Variants in EFCAB11 observed in about 807,000 individuals in gnomAD.
EFCAB11 encodes the protein EF-hand calcium-binding domain-containing protein 11.
In EFCAB11, 14 loss-of-function variants were observed where a neutral mutation model predicts 23.0. The ratio of observed to expected loss-of-function variants is 0.61; its 90% CI spans 0.40 to 0.95. The LOEUF is 0.95. Ranked by LOEUF, EFCAB11 falls within the 40% of genes least tolerant of loss-of-function variation. The pLI, the probability that EFCAB11 is intolerant of heterozygous loss-of-function variation, is 0.00. For missense variants in EFCAB11, 198 were observed against 195.8 expected, an observed-to-expected ratio of 1.01 and a Z score of -0.07; for synonymous variants, 65 against 66.6, an observed-to-expected ratio of 0.98 and a Z score of 0.11.
intron 5 of EFCAB11, among the ~76,000 whole-genome samples, chr14:89,889,226 G>T (rs1888887633): frequency 6.6e-6 from 1 of 152,140 alleles, no homozygotes. Flanking sequence ...TTAAGGAAAT[G>T]TATGGAACAT....
chr14:89,861,961 T>C (rs1488119538), intron 5 of EFCAB11, among the ~76,000 whole-genome samples: 1 of 152,232 alleles, frequency 6.6e-6, no homozygotes, highest in Non-Finnish European at 1.5e-5. Flanking sequence ...ACAAACCAAA[T>C]TTAATTCTTT....
At chr14:89,839,195 T>A (rs1000441218) in intron 5 of EFCAB11, among the ~76,000 whole-genome samples, 5 of 151,938 alleles carry the variant, frequency 3.3e-5, no homozygotes, top group African/African-American at 1.2e-4. Context: ...CAGGGAAGAG[T>A]CAAATTTCAG....
chr14:89,892,067 G>T lies in EFCAB11; in HGVS notation c.410+39474C>A, dbSNP rs1888988789. On this transcript the variant is annotated intron_variant, in intron 5 of 5. Transcript: ENST00000316738. ...CCGGAATGTGGTGGGTGTCCTGCTG[G>T]TCTTTGATGTGACAAACAGGAAGTC... is the stretch of plus-strand genomic sequence containing the variant. The T allele has an allele frequency of 2.6e-6, 4 of 1,542,026 alleles. No homozygotes were observed. In the Admixed American group the frequency reaches 5.9e-5, roughly 23 times the overall value.
rs775784796 is a variant in EFCAB11 at position 89,954,693 on chromosome 14, A to G, written c.-33T>C. The G allele has an allele frequency of 4.5e-5, 72 of 1,598,242 alleles. No homozygotes were observed. The highest frequency in any genetic ancestry group is 1.5e-4 in the Admixed American group (9 of 58,796). On this transcript the variant is annotated 5_prime_UTR_variant, in exon 1 of 6. Coordinates refer to ENST00000316738, the MANE Select transcript of EFCAB11 (RefSeq NM_145231.4). ...ACAACAACCGAGCCCCAGCAACCCA[A>G]CCAGCTACCACCGCTTTCCCAGCCT...
In EFCAB11 at chr14:89,864,222, C is replaced by T. The variant is rs562933971; in HGVS notation, c.411-66898G>A. The stretch of plus-strand genomic sequence containing the variant: ...CTTTAACACAGGAGTATGTCAGAGG[C>T]AAAAATAATTGCATAACTGAGCCAT... On this transcript the variant is annotated intron_variant, in intron 5 of 5. Transcript: ENST00000316738. Among the ~76,000 whole-genome samples, 39 of 152,080 alleles carry T rather than the reference C, an allele frequency of 2.6e-4. No individual in the cohort carries two copies. The South Asian group carries it at 4.4e-3, about 17-fold the overall frequency.
chr14:89,906,477 T>C (rs1437073214), intron 5 of EFCAB11, among the ~76,000 whole-genome samples: 2 of 152,324 alleles, frequency 1.3e-5, no homozygotes, highest in Admixed American at 6.5e-5. Context: ...CTGCAACTCA[T>C]TGAAACTAGT....
chr14:89,859,921 C>T (rs1887869392), intron 5 of EFCAB11, among the ~76,000 whole-genome samples: 1 of 152,146 alleles, frequency 6.6e-6, no homozygotes, highest in African/African-American at 2.4e-5. Flanking sequence ...ACCAAATTGG[C>T]CCTCTGATAC....
At chr14:89,818,346 A>C (rs1886398120) in intron 5 of EFCAB11, among the ~76,000 whole-genome samples, 1 of 152,170 alleles carries the variant, frequency 6.6e-6, no homozygotes. Flanking sequence ...CCAGGGAACA[A>C]CATACTATGA....
chr14:89,852,354 C>G (rs565874840), intron 5 of EFCAB11, among the ~76,000 whole-genome samples: 3 of 152,274 alleles, frequency 2.0e-5, no homozygotes, highest in African/African-American at 7.2e-5. Context: ...ACTCAGATCC[C>G]CCAGCTGCTG....
At chr14:89,866,312 C>T (rs1326663351) in intron 5 of EFCAB11, among the ~76,000 whole-genome samples, 1 of 152,200 alleles carries the variant, frequency 6.6e-6, no homozygotes, top group African/African-American at 2.4e-5. Context: ...ATAGTAGATT[C>T]CCTTCTTTAA....
intron 5 of EFCAB11, among the ~76,000 whole-genome samples, chr14:89,810,770 AAAG>A (rs1361881084): frequency 1.3e-5 from 2 of 151,536 alleles, no homozygotes; most frequent in Non-Finnish European, 2.9e-5. Context: ...AAAAAAAAAA[AAAG>A]AAATGGATTC....
At chr14:89,842,004 C>T (rs551106523) in intron 5 of EFCAB11, among the ~76,000 whole-genome samples, 80 of 152,240 alleles carry the variant, frequency 5.3e-4, no homozygotes, top group Non-Finnish European at 9.9e-4. Context: ...TCTAAACCTG[C>T]GCCGCCTGTG....
chr14:89,865,063 G>T (rs930393101), intron 5 of EFCAB11, among the ~76,000 whole-genome samples: 1 of 152,218 alleles, frequency 6.6e-6, no homozygotes, highest in African/African-American at 2.4e-5. Context: ...GCTCAGGTTG[G>T]TGAGGTTACG....
intron 5 of EFCAB11, among the ~76,000 whole-genome samples, chr14:89,865,382 T>C (rs1007235917): frequency 6.6e-6 from 1 of 152,292 alleles, no homozygotes; most frequent in East Asian, 1.9e-4. Context: ...AGAGCCTCTC[T>C]TGAAATCAGG....
intron 5 of EFCAB11, among the ~76,000 whole-genome samples, chr14:89,926,355 A>G (rs1721026183): frequency 6.6e-6 from 1 of 152,214 alleles, no homozygotes; most frequent in Non-Finnish European, 1.5e-5. Flanking sequence ...ACTCATTTAA[A>G]AATAAAATCT....
chr14:89,823,768 G>C (rs1886601291), intron 5 of EFCAB11, among the ~76,000 whole-genome samples: 1 of 152,308 alleles, frequency 6.6e-6, no homozygotes. Flanking sequence ...GGAACTTCTA[G>C]AGATGAAAAA....
In EFCAB11 at chr14:89,950,275, T is replaced by C. The variant is rs565713083; in HGVS notation, c.172-133A>G. 33 of 876,854 alleles carry C rather than the reference T, an allele frequency of 3.8e-5. No individual in the cohort carries two copies. The East Asian group carries it at 9.5e-4, about 25-fold the overall frequency. 54.3% of individuals were successfully genotyped at this position (876,854 alleles called of 1,614,324 possible). Reference sequence around the variant, plus strand: ...TCTGTTGAACCAAGCAGACAAGTAATGATACACAATAGCTATAATAGTCAT... The same window carrying C: ...TCTGTTGAACCAAGCAGACAAGTAACGATACACAATAGCTATAATAGTCAT... On this transcript the variant is annotated intron_variant, in intron 2 of 5. Transcript: ENST00000316738.
At chr14:89,858,889 G>T (rs1189953873) in intron 5 of EFCAB11, among the ~76,000 whole-genome samples, 1 of 152,012 alleles carries the variant, frequency 6.6e-6, no homozygotes, top group Non-Finnish European at 1.5e-5. Context: ...AAGAGTGGGT[G>T]GTGTGGCAAC....
intron 5 of EFCAB11, among the ~76,000 whole-genome samples, chr14:89,808,629 A>T (rs1194512593): frequency 6.6e-6 from 1 of 152,212 alleles, no homozygotes; most frequent in Admixed American, 6.5e-5. Flanking sequence ...TTCATTTACA[A>T]CATGCTCCTA....
Sources: allele counts gnomAD v4.1 joint callset (sites outside exome capture counted in the v4.1 genomes callset), GRCh38; gene constraint gnomAD v4.1.1; transcripts MANE v1.5; gene names NCBI Gene and HGNC (gene_info 2026-07-23, HGNC 2026-07-21).